Variants in RABGAP1L observed in about 807,000 individuals in gnomAD.
RABGAP1L encodes the protein rab GTPase-activating protein 1-like.
Under a neutral mutation model 137.7 loss-of-function variants are expected in RABGAP1L, and 63 were observed. The observed-to-expected ratio is 0.46, with a 90% CI of 0.37 to 0.56. RABGAP1L has a LOEUF of 0.56. RABGAP1L is among the 20% of genes least tolerant of loss of function. The pLI is 0.00. For missense variants in RABGAP1L, 1,095 were observed against 1,244.0 expected, an observed-to-expected ratio of 0.88 and a Z score of 1.80; for synonymous variants, 431 against 433.7, an observed-to-expected ratio of 0.99 and a Z score of 0.08.
At chr1:174,912,651 C>A (rs1660233654) in intron 19 of RABGAP1L, among the ~76,000 whole-genome samples, 1 of 152,158 alleles carries the variant, frequency 6.6e-6, no homozygotes, top group African/African-American at 2.4e-5. Context: ...TTGAAAATAA[C>A]TGAATTCTGG....
chr1:174,601,329 T>G (rs12568182), intron 13 of RABGAP1L, among the ~76,000 whole-genome samples: 13,733 of 152,266 alleles, frequency 0.09, 840 homozygotes, highest in East Asian at 0.22. Context: ...GTCTTGGGAA[T>G]TAACATTAGG....
chr1:174,338,233 T>A (rs1681651114), intron 11 of RABGAP1L, among the ~76,000 whole-genome samples: 1 of 152,210 alleles, frequency 6.6e-6, no homozygotes, highest in Non-Finnish European at 1.5e-5. Context: ...ATAGCAATGT[T>A]AAATTTATGA....
Position 174,543,734 on chromosome 1 carries a change from A to G in RABGAP1L, c.1711-93641A>G, listed in dbSNP as rs544130857. 1.6e-4 allele frequency among the ~76,000 whole-genome samples: 24 copies of G among 152,190 alleles called. No individual in the cohort carries two copies. The East Asian group carries it at 4.6e-3, about 29-fold the overall frequency. ...GCATGTTTTTGCAGTGGCTGGTACC[A>G]GTTGTTCCTTTCCATGTTTAGTGCT... On this transcript the variant is annotated intron_variant, in intron 13 of 25. Coordinates refer to ENST00000681986, the MANE Select transcript of RABGAP1L (RefSeq NM_001366446.1).
At chr1:174,677,099 A>G (rs1677689047) in intron 14 of RABGAP1L, among the ~76,000 whole-genome samples, 1 of 150,650 alleles carries the variant, frequency 6.6e-6, no homozygotes. Flanking sequence ...AGGCAGAAGG[A>G]ACACTTGAAT....
chr1:174,172,891 A>G (rs1665529807), intron 1 of RABGAP1L, among the ~76,000 whole-genome samples: 1 of 151,874 alleles, frequency 6.6e-6, no homozygotes, highest in African/African-American at 2.4e-5. Flanking sequence ...TTGTTGTTTG[A>G]GCTTTTGGTG....
intron 5 of RABGAP1L, among the ~76,000 whole-genome samples, chr1:174,249,064 G>A (rs1434810824): frequency 6.6e-6 from 1 of 152,032 alleles, no homozygotes; most frequent in African/African-American, 2.4e-5. Context: ...AGAAGTGTTG[G>A]ATTTAGAGTA....
chr1:174,762,252 AACTT>A (rs1685286627), intron 18 of RABGAP1L, among the ~76,000 whole-genome samples: 1 of 152,202 alleles, frequency 6.6e-6, no homozygotes, highest in East Asian at 1.9e-4. Flanking sequence ...GATCTGGCAC[AACTT>A]ACCTCTCCAT....
chr1:174,300,983 A>G (rs975640765), intron 10 of RABGAP1L, among the ~76,000 whole-genome samples: 1 of 152,156 alleles, frequency 6.6e-6, no homozygotes, highest in East Asian at 1.9e-4. Context: ...CTGGTTGGTA[A>G]CACCCCTGTC....
At chr1:174,322,916 G>A (rs1348374856) in intron 11 of RABGAP1L, among the ~76,000 whole-genome samples, 1 of 152,120 alleles carries the variant, frequency 6.6e-6, no homozygotes, top group Admixed American at 6.6e-5. Context: ...GGTGTGAGAA[G>A]CATCTAACAG....
At position 174,634,940 on chromosome 1, in the gene RABGAP1L, G is replaced by A. The variant is rs991177268; in HGVS notation, c.1711-2435G>A. 1.6e-4 allele frequency among the ~76,000 whole-genome samples: 24 copies of A among 146,106 alleles called. No homozygotes were observed. The East Asian group carries it at 3.0e-3, about 18-fold the overall frequency. On this transcript the variant is annotated intron_variant, in intron 13 of 25. Coordinates refer to ENST00000681986, the MANE Select transcript of RABGAP1L (RefSeq NM_001366446.1). ...GGAGATATACCTAATGCTAGATGAC[G>A]AGTTAGTGGGTGCAGCGCACCAGCA...
At chr1:174,763,883 T>G (rs1359312262) in intron 18 of RABGAP1L, among the ~76,000 whole-genome samples, 1 of 150,590 alleles carries the variant, frequency 6.6e-6, no homozygotes, top group Non-Finnish European at 1.5e-5. Flanking sequence ...GTTTGTAGGG[T>G]TGTCACAAAC....
At chr1:174,543,750 GT>G (rs1665715432) in intron 13 of RABGAP1L, among the ~76,000 whole-genome samples, 1 of 152,126 alleles carries the variant, frequency 6.6e-6, no homozygotes, top group South Asian at 2.1e-4. Context: ...TCCTTTCCAT[GT>G]TTAGTGCTTC....
intron 19 of RABGAP1L, among the ~76,000 whole-genome samples, chr1:174,946,959 T>A (rs1666953685): frequency 8.3e-6 from 1 of 121,148 alleles, no homozygotes; most frequent in Non-Finnish European, 1.7e-5. Flanking sequence ...TGTGTGTGTG[T>A]GTGTGTGTGT....
intron 19 of RABGAP1L, among the ~76,000 whole-genome samples, chr1:174,937,632 A>ATATATATATATATATCTATC (rs1190513202): frequency 7.8e-6 from 1 of 128,600 alleles, no homozygotes; most frequent in Non-Finnish European, 1.6e-5. Context: ...ATATATATAT[A>ATATATATATATATATCTATC]TATCTTGCAG....
chr1:174,779,481 G>A (rs865976833), intron 18 of RABGAP1L, among the ~76,000 whole-genome samples: 1 of 152,344 alleles, frequency 6.6e-6, no homozygotes, highest in South Asian at 2.1e-4. Context: ...AGCAAGTGAA[G>A]TTCTGCATGT....
intron 24 of RABGAP1L, 54 bp downstream of exon 24, chr1:174,982,959 G>A: frequency 6.6e-7 from 1 of 1,523,346 alleles, no homozygotes; most frequent in Non-Finnish European, 8.9e-7. Flanking sequence ...ACACAGGCTT[G>A]TAAGTACCTG....
intron 15 of RABGAP1L, 62 bp from the exon 16 acceptor site, chr1:174,699,463 T>C: frequency 1.3e-6 from 2 of 1,513,296 alleles, no homozygotes; most frequent in Non-Finnish European, 1.8e-6. Flanking sequence ...ATGAAGGAAC[T>C]TTTTTGACAT....
Position 174,371,554 on chromosome 1 carries a change from C to T in RABGAP1L, c.1559+482C>T, listed in dbSNP as rs145673908. Among the ~76,000 whole-genome samples, 105 of 151,540 alleles carry T rather than the reference C, an allele frequency of 6.9e-4. 1 individual carries two copies. The highest frequency in any genetic ancestry group is 2.3e-3 in the African/African-American group (96 of 41,308). The stretch of plus-strand genomic sequence containing the variant: ...CTAAAAGTATTACTTTAAATTTTGG[C>T]GTATTTTATGTGGAATTACAAAAAA... On this transcript the variant is annotated intron_variant, in intron 12 of 25. Transcript: ENST00000681986.
At chr1:174,349,981 C>G (rs1571345173) in intron 11 of RABGAP1L, among the ~76,000 whole-genome samples, 1 of 128,402 alleles carries the variant, frequency 7.8e-6, no homozygotes, top group Non-Finnish European at 1.7e-5. Flanking sequence ...CATCTCCCTC[C>G]CGGACGGGGT....
Sources: allele counts gnomAD v4.1 joint callset (sites outside exome capture counted in the v4.1 genomes callset), GRCh38; gene constraint gnomAD v4.1.1; transcripts MANE v1.5; gene names NCBI Gene and HGNC (gene_info 2026-07-23, HGNC 2026-07-21).